Variants in USP44 observed in about 807,000 individuals in gnomAD.
The protein encoded by USP44 is ubiquitin carboxyl-terminal hydrolase 44.
Under a neutral mutation model 69.0 loss-of-function variants are expected in USP44, and 61 were observed. The ratio of observed to expected loss-of-function variants is 0.88; its 90% CI spans 0.72 to 1.09. The LOEUF (loss-of-function observed/expected upper bound fraction) is 1.09. Among genes scored for constraint, USP44 ranks in the 50% least tolerant of loss-of-function variants. The pLI is 0.00. For synonymous variants in USP44, 297 were observed against 295.4 expected, an observed-to-expected ratio of 1.01 and a Z score of -0.06; for missense variants, 753 against 849.9, an observed-to-expected ratio of 0.89 and a Z score of 1.42.
intron 3 of USP44, 146 bp downstream of exon 3, chr12:95,528,661 T>G: frequency 3.9e-6 from 3 of 773,144 alleles, no homozygotes; most frequent in Non-Finnish European, 5.9e-6. Context: ...TAAATGCCAA[T>G]TATAAAGTGA....
At chr12:95,535,945 A>G (rs2077183344) in intron 1 of USP44, among the ~76,000 whole-genome samples, 1 of 151,944 alleles carries the variant, frequency 6.6e-6, no homozygotes, top group Non-Finnish European at 1.5e-5. Context: ...CTCTTTTTGT[A>G]AAATCTCATA....
rs1474141572 is a variant in USP44, at chr12:95,521,183, G to C, written c.1753C>G (p.Arg585Gly). 1 of 1,614,012 alleles carries C rather than the reference G, an allele frequency of 6.2e-7. No homozygotes were observed. The highest frequency in any genetic ancestry group is 1.7e-5 in the Admixed American group (1 of 60,012). The stretch of plus-strand genomic sequence containing the variant: ...CCAACATGAACACCAATCTTCTCTC[G>C]GTTATTACGTCCTGACCACCTGTGA... ...KRFRWSGRNN[R>G]EKIGVHVGFE... The change falls in exon 5 of 6, where the codon CGA (arginine) becomes GGA (glycine). Residue 585 changes from arginine to glycine, a missense_variant. Transcript: ENST00000258499.
chr12:95,521,637 T>G (rs754626143), intron 4 of USP44, among the ~76,000 whole-genome samples: 2 of 152,124 alleles, frequency 1.3e-5, no homozygotes, highest in African/African-American at 4.8e-5. Context: ...CTGTGTGCCA[T>G]CATGCCTGGC....
Position 95,516,697 on chromosome 12 carries a change from T to C in USP44, c.*1457A>G, listed in dbSNP as rs1390918715. 6.6e-6 allele frequency: 1 copy of C among 152,150 alleles called. No homozygotes were observed. The highest frequency in any genetic ancestry group is 6.6e-5 in the Admixed American group (1 of 15,264). The allele number at this position is 152,150 out of a possible 1,614,324, so 9.4% of individuals were successfully genotyped here. A position where few individuals can be genotyped will look rare whatever the true frequency, so the allele number is the denominator to read the frequency against. On this transcript the variant is annotated 3_prime_UTR_variant, in exon 6 of 6. Coordinates refer to ENST00000258499, the MANE Select transcript of USP44 (RefSeq NM_032147.5). ...ATGTATTTTCGGCACAAATGATTTG[T>C]CTATTCAGTGATAAAAGTCTCACTG...
chr12:95,542,960 C>T (rs920289124), intron 1 of USP44, among the ~76,000 whole-genome samples: 3 of 150,540 alleles, frequency 2.0e-5, no homozygotes, highest in Admixed American at 6.6e-5. Flanking sequence ...TGGTGGTGGG[C>T]GCCTGTAGTC....
intron 5 of USP44, 103 bp downstream of exon 5, chr12:95,520,894 A>G (rs1363486115): frequency 1.9e-6 from 2 of 1,041,068 alleles, no homozygotes; most frequent in Non-Finnish European, 2.9e-6. Flanking sequence ...TAAGTGGTCG[A>G]GTAGCTTTGT....
At chr12:95,550,242 T>C (rs2077701752) in intron 1 of USP44, among the ~76,000 whole-genome samples, 1 of 145,194 alleles carries the variant, frequency 6.9e-6, no homozygotes, top group Non-Finnish European at 1.5e-5. Context: ...GTTAACAAAA[T>C]AGATACAAAA....
intron 1 of USP44, among the ~76,000 whole-genome samples, chr12:95,541,094 AT>A (rs2077373300): frequency 6.6e-6 from 1 of 152,190 alleles, no homozygotes; most frequent in Admixed American, 6.5e-5. Flanking sequence ...CCTGGTCAAC[AT>A]GGTGAAACCC....
chr12:95,524,289 C>T (rs2076762116), intron 4 of USP44, among the ~76,000 whole-genome samples: 1 of 151,548 alleles, frequency 6.6e-6, no homozygotes, highest in Non-Finnish European at 1.5e-5. Flanking sequence ...ACCATGTTGG[C>T]CAGGCTAGTC....
intron 5 of USP44, among the ~76,000 whole-genome samples, chr12:95,519,868 C>T (rs1254789589): frequency 2.6e-5 from 4 of 151,028 alleles, no homozygotes; most frequent in Non-Finnish European, 3.0e-5. Context: ...GGTGAAACCC[C>T]GTCTCTACTA....
intron 1 of USP44, among the ~76,000 whole-genome samples, chr12:95,546,250 CTGTG>C (rs775636793): frequency 2.6e-5 from 4 of 152,210 alleles, no homozygotes; most frequent in African/African-American, 4.8e-5. Context: ...TTCAAATACT[CTGTG>C]TGTAAAATGC....
At chr12:95,535,261 T>A (rs896026723) in intron 1 of USP44, 1 of 152,232 alleles carries the variant, frequency 6.6e-6, no homozygotes, top group Non-Finnish European at 1.5e-5. Flanking sequence ...ATCTGACACA[T>A]GGTAAATGGT....
chr12:95,546,844 T>G (rs2077586921), intron 1 of USP44: 1 of 152,162 alleles, frequency 6.6e-6, no homozygotes, highest in African/African-American at 2.4e-5. Context: ...GATACACATA[T>G]AAAACACAGA....
Position 95,521,050 on chromosome 12 carries a change from C to G in USP44, c.1886G>C (p.Gly629Ala), listed in dbSNP as rs753027684. ...YDLSAVVMHH[G>A]KGFGSGHYTA... ...GTAGTGCCCTGAGCCAAATCCTTTC[C>G]CATGGTGCATCACCACCGCGGACAA... Residue 629 changes from glycine (G) to alanine (A), a missense_variant, in exon 5 of 6, where the codon GGG (glycine) becomes GCG (alanine). By Grantham distance (60) the Gly-to-Ala change is moderately conservative. Transcript: ENST00000258499. 2 of 1,614,172 alleles carry G rather than the reference C, an allele frequency of 1.2e-6. No homozygotes were observed.
rs1160394703 is a variant in USP44, at chr12:95,521,285, C to A, written c.1734-83G>T. 7 of 1,227,798 alleles carry A rather than the reference C, an allele frequency of 5.7e-6. No individual in the cohort carries two copies. In the Admixed American group the frequency reaches 1.0e-4, roughly 18 times the overall value. The allele number at this position is 1,227,798 out of a possible 1,614,324, so 76.1% of individuals were successfully genotyped here. A position where few individuals can be genotyped will look rare whatever the true frequency, so the allele number is the denominator to read the frequency against. ...AGGTCTAGACACTTGTAACAGATGACCCCAGGCAGCATGGAATACAAAGTA... is the reference window on the plus strand; with the variant it reads ...AGGTCTAGACACTTGTAACAGATGAACCCAGGCAGCATGGAATACAAAGTA... On this transcript the variant is annotated intron_variant, in intron 4 of 5. Coordinates refer to ENST00000258499, the MANE Select transcript of USP44 (RefSeq NM_032147.5).
intron 3 of USP44, among the ~76,000 whole-genome samples, chr12:95,528,453 T>C (rs1452541776): frequency 6.6e-6 from 1 of 152,238 alleles, no homozygotes; most frequent in Non-Finnish European, 1.5e-5. Context: ...CACTTTGATA[T>C]GTAGCCAAAA....
In USP44 at chr12:95,533,663, C is replaced by T. The variant is rs987495754; in HGVS notation, c.594G>A (p.Glu198=). The T allele has an allele frequency of 1.2e-6, 2 of 1,613,748 alleles. No individual in the cohort carries two copies. The highest frequency in any genetic ancestry group is 1.7e-6 in the Non-Finnish European group (2 of 1,180,034). Residue 198 remains glutamate, a synonymous_variant, in exon 2 of 6, where the codon GAG becomes GAA. Transcript: ENST00000258499. ...REVKKRRQEL[E]YQVKAELESM... Reference sequence around the variant, plus strand: ...TTTCCAATTCTGCTTTAACTTGATACTCCAATTCCTGCCGTCTTTTCTTTA... The same window carrying T: ...TTTCCAATTCTGCTTTAACTTGATATTCCAATTCCTGCCGTCTTTTCTTTA...
chr12:95,532,544 A>C (rs1417375052), intron 2 of USP44, among the ~76,000 whole-genome samples: 1 of 151,948 alleles, frequency 6.6e-6, no homozygotes, highest in African/African-American at 2.4e-5. Context: ...CCTCTTCTCA[A>C]TCCCTCAGAT....
chr12:95,527,092 T>A (rs773435856), intron 3 of USP44, among the ~76,000 whole-genome samples: 1 of 149,698 alleles, frequency 6.7e-6, no homozygotes, highest in Non-Finnish European at 1.5e-5. Context: ...GTCCACTGGA[T>A]CATTCTTTTT....
Sources: gnomAD v4.1 joint callset for allele counts (sites outside exome capture counted in the v4.1 genomes callset) on GRCh38, gnomAD v4.1.1 for gene constraint, MANE v1.5 for transcripts, NCBI Gene and HGNC (gene_info 2026-07-23, HGNC 2026-07-21) for gene names.